Variants in AGO4 observed in about 807,000 individuals in gnomAD.
AGO4 encodes protein argonaute-4.
AGO4 carries 33 observed loss-of-function variants against 104.7 expected under a neutral mutation model. The ratio of observed to expected loss-of-function variants is 0.32; its 90% CI spans 0.24 to 0.42. The LOEUF (loss-of-function observed/expected upper bound fraction) is 0.42, where lower values mean the gene tolerates loss of function less well. Ranked by LOEUF, AGO4 falls within the 10% of genes least tolerant of loss-of-function variation. AGO4 has a pLI of 1.00. For synonymous variants in AGO4, 331 were observed against 364.7 expected (o/e 0.91, Z 1.05); for missense variants, 711 against 1,083.4 (o/e 0.66, Z 4.83).
chr1:35,850,891 A>G lies in AGO4; in HGVS notation c.2315A>G (p.Asp772Gly). ...SRPSHYQVLW[D>G]DNCFTADELQ... ...CCCTCACATTACCAGGTCTTGTGGG[A>G]TGACAACTGCTTCACTGCAGATGAA... The change falls in exon 17 of 18, where the codon GAT becomes GGT. Residue 772 changes from aspartate (D) to glycine (G), a missense_variant. Asp to Gly is a moderately conservative substitution (Grantham distance 94). This residue lies in a region of AGO4 where 401 missense variants were observed against 665.5 expected (regional missense o/e 0.60). Transcript: ENST00000373210. 6.2e-7 allele frequency: 1 copy of G among 1,610,836 alleles called. No homozygotes were observed. The highest frequency in any genetic ancestry group is 8.5e-7 in the Non-Finnish European group (1 of 1,178,770).
rs181835216 is a variant in AGO4, at chr1:35,808,083, T to A, written c.-334T>A. On this transcript the variant is annotated 5_prime_UTR_variant, in exon 1 of 18. Coordinates refer to ENST00000373210, the MANE Select transcript of AGO4 (RefSeq NM_017629.4). This position sits in a 1 kb window ranked among gnomAD's most constrained non-coding sequence, Gnocchi z 5.2. The stretch of plus-strand genomic sequence containing the variant: ...CGCGCCCGGGGCCGCGCACGCCCCC[T>A]CCGCCCGCCGGGACCCTGGGTCCGC... The A allele has an allele frequency of 6.7e-6, 1 of 148,646 alleles. No homozygotes were observed. Among genetic ancestry groups the A allele is most frequent in the African/African-American group, 2.5e-5 (1 of 40,782 alleles). 9.2% of individuals were successfully genotyped at this position (148,646 alleles called of 1,614,324 possible).
intron 1 of AGO4, among the ~76,000 whole-genome samples, chr1:35,811,240 G>A (rs531465470): frequency 6.6e-6 from 1 of 151,950 alleles, no homozygotes; most frequent in East Asian, 1.9e-4. Flanking sequence ...CTGGGAGGCC[G>A]AGGTGGGCGG....
chr1:35,844,898 T>C (rs1009506725), intron 15 of AGO4, among the ~76,000 whole-genome samples: 3 of 152,212 alleles, frequency 2.0e-5, no homozygotes, highest in Admixed American at 1.3e-4. Context: ...ACTTTCTATC[T>C]GTACTTTCTC....
Position 35,835,869 on chromosome 1 carries a change from A to C in AGO4, c.1600A>C (p.Met534Leu). The change falls in exon 13 of 18, where the codon ATG becomes CTG. Residue 534 changes from methionine to leucine, a missense_variant. Transcript: ENST00000373210. ...ACGTGTTGGAGATACCCTTCTAGGTATGGCCACACAGTGTGTCCAGGTAAA... is the reference window on the plus strand; with the variant it reads ...ACGTGTTGGAGATACCCTTCTAGGTCTGGCCACACAGTGTGTCCAGGTAAA... ...VKRVGDTLLG[M>L]ATQCVQVKNV... The C allele has an allele frequency of 6.2e-7, 1 of 1,613,668 alleles. No individual in the cohort carries two copies. Among genetic ancestry groups the C allele is most frequent in the Non-Finnish European group, 8.5e-7 (1 of 1,179,854 alleles).
chr1:35,850,817 C>CAAA (rs11403763), intron 16 of AGO4, 37 bp from the exon 17 acceptor site: 813 of 973,062 alleles, frequency 8.4e-4, no homozygotes, highest in East Asian at 1.3e-3. Flanking sequence ...AAAAAACGAA[C>CAAA]AAAAAAAAAA....
chr1:35,810,158 G>T (rs1223178131), intron 1 of AGO4, among the ~76,000 whole-genome samples: 2 of 152,148 alleles, frequency 1.3e-5, no homozygotes, highest in Admixed American at 6.6e-5. Flanking sequence ...AAGCCAAAAT[G>T]TCACATGGAT....
Position 35,835,872 on chromosome 1 carries a change from G to A in AGO4, c.1603G>A (p.Ala535Thr), listed in dbSNP as rs375566918. The A allele has an allele frequency of 1.5e-5, 25 of 1,613,742 alleles. No homozygotes were observed. Among genetic ancestry groups the A allele is most frequent in the African/African-American group, 4.0e-5 (3 of 74,886 alleles). The change falls in exon 13 of 18, where the codon GCC (alanine) becomes ACC (threonine). Residue 535 changes from alanine (A) to threonine (T), a missense_variant. Physicochemically the swap from Ala to Thr is moderately conservative, Grantham distance 58. Around this residue, in one of 3 missense-constraint regions of AGO4, gnomAD observed 401 missense variants for 665.5 expected, o/e 0.60. Transcript: ENST00000373210. ...KRVGDTLLGM[A>T]TQCVQVKNVV... ...TGTTGGAGATACCCTTCTAGGTATG[G>A]CCACACAGTGTGTCCAGGTAAAAAA... is the stretch of plus-strand genomic sequence containing the variant.
rs1164282197 is a variant in AGO4, at chr1:35,817,782, T to C, written c.185+735T>C. ...GTGCCGCTTGATATTTTTCTCATTA[T>C]GGATCAAAATTTGGCTTTCTGGTGT... On this transcript the variant is annotated intron_variant, in intron 2 of 17. Transcript: ENST00000373210. 1.3e-5 allele frequency among the ~76,000 whole-genome samples: 2 copies of C among 152,246 alleles called. 1 individual carries two copies. Among genetic ancestry groups the C allele is most frequent in the South Asian group, 4.1e-4 (2 of 4,838 alleles).
chr1:35,840,053 G>A (rs557380196), intron 13 of AGO4, among the ~76,000 whole-genome samples: 4 of 151,912 alleles, frequency 2.6e-5, no homozygotes, highest in African/African-American at 4.8e-5. Flanking sequence ...GTGCAGTGGC[G>A]TGATCCTGGC....
rs1046359668 is a variant in AGO4, at chr1:35,855,900, C to A, written c.*2295C>A. The A allele has an allele frequency of 1.3e-5, 2 of 152,248 alleles. No homozygotes were observed. The highest frequency in any genetic ancestry group is 6.5e-5 in the Admixed American group (1 of 15,286). The allele number at this position is 152,248 out of a possible 1,614,324, so 9.4% of individuals were successfully genotyped here. A position where few individuals can be genotyped will look rare whatever the true frequency, so the allele number is the denominator to read the frequency against. On this transcript the variant is annotated 3_prime_UTR_variant, in exon 18 of 18. Transcript: ENST00000373210. ...TGACTGGCTGGCTGGCCAGCGGGCA[C>A]CACACCTGCACTTGAGTGCCTCGGG...
chr1:35,818,508 C>T lies in AGO4; in HGVS notation c.185+1461C>T, dbSNP rs571445299. Among the ~76,000 whole-genome samples the T allele has an allele frequency of 2.0e-5, 3 of 152,182 alleles. No individual in the cohort carries two copies. The South Asian group carries it at 6.2e-4, about 32-fold the overall frequency. On this transcript the variant is annotated intron_variant, in intron 2 of 17. Transcript: ENST00000373210. The stretch of plus-strand genomic sequence containing the variant: ...GCATAGTGGCACGTGCCTGTAATCC[C>T]AGCTACTTGGGAGGCTGAGGCAGGA...
rs1403053246 is a variant in AGO4 at position 35,808,880 on chromosome 1, T to C, written c.19+445T>C. On this transcript the variant is annotated intron_variant, in intron 1 of 17. Transcript: ENST00000373210. The surrounding 1 kb of genome is among the most constrained non-coding windows in gnomAD (Gnocchi z 5.2). ...GCCGCGCCCCTATTTTTCTTTGCAC[T>C]GGCAGATGGTCCAGAGCCTTCAGAT... Among the ~76,000 whole-genome samples the C allele has an allele frequency of 6.6e-6, 1 of 152,222 alleles. No individual in the cohort carries two copies. The highest frequency in any genetic ancestry group is 1.5e-5 in the Non-Finnish European group (1 of 68,044).
chr1:35,832,713 T>C (rs1644213975), intron 11 of AGO4, 143 bp downstream of exon 11: 1 of 1,113,498 alleles, frequency 9.0e-7, no homozygotes, highest in Non-Finnish European at 1.2e-6. Context: ...AGACCTTGTA[T>C]TATAGTAATT....
intron 4 of AGO4, 89 bp from the exon 5 acceptor site, chr1:35,825,590 C>T: frequency 6.5e-7 from 1 of 1,536,474 alleles, no homozygotes; most frequent in East Asian, 2.3e-5. Flanking sequence ...AGTCATTGTT[C>T]AAATTTGATT....
intron 2 of AGO4, among the ~76,000 whole-genome samples, chr1:35,821,606 CTTGA>C (rs1470106643): frequency 3.3e-5 from 5 of 152,110 alleles, no homozygotes; most frequent in Admixed American, 6.6e-5. Flanking sequence ...GTTCTGCATG[CTTGA>C]TTGAGAAAAA....
intron 1 of AGO4, 141 bp from the exon 2 acceptor site, chr1:35,816,741 G>A: frequency 1.1e-6 from 1 of 880,132 alleles, no homozygotes; most frequent in East Asian, 2.8e-5. Flanking sequence ...AGAGGTTGCA[G>A]TGAGCCAAGA....
rs2148662299 is a variant in AGO4, at chr1:35,826,882, G to A, written c.848+47G>A. ...TAATACAATTACATTTTTAGTAACA[G>A]AGGGAGCTACTATAATTGTTTTAAG... On this transcript the variant is annotated intron_variant, in intron 7 of 17. Transcript: ENST00000373210. The A allele has an allele frequency of 2.5e-6, 4 of 1,580,966 alleles. No individual in the cohort carries two copies. In the South Asian group the frequency reaches 3.4e-5, roughly 13 times the overall value.
Position 35,808,520 on chromosome 1 carries a change from G to A in AGO4, c.19+85G>A. The A allele has an allele frequency of 3.5e-6, 4 of 1,132,462 alleles. No homozygotes were observed. The highest frequency in any genetic ancestry group is 1.6e-5 in the African/African-American group (1 of 61,344). The allele number at this position is 1,132,462 out of a possible 1,614,324, so 70.2% of individuals were successfully genotyped here. ...GGGACTTTCGCTGCCCCGTCGCCTC[G>A]CCGGGTTCGGGCCGCCAGGCCTCGG... is the stretch of plus-strand genomic sequence containing the variant. On this transcript the variant is annotated intron_variant, in intron 1 of 17. Coordinates refer to ENST00000373210, the MANE Select transcript of AGO4 (RefSeq NM_017629.4). This position sits in a 1 kb window ranked among gnomAD's most constrained non-coding sequence, Gnocchi z 5.2.
chr1:35,851,800 C>T (rs1447160118), intron 17 of AGO4, among the ~76,000 whole-genome samples: 2 of 152,162 alleles, frequency 1.3e-5, no homozygotes, highest in African/African-American at 2.4e-5. Context: ...TTCATTTATT[C>T]GGCATATTTA....
Sources: allele counts gnomAD v4.1 joint callset (sites outside exome capture counted in the v4.1 genomes callset), GRCh38; gene constraint gnomAD v4.1.1; regional missense constraint gnomAD v4.1.1; non-coding constraint Gnocchi (gnomAD v3.1); transcripts MANE v1.5; gene names NCBI Gene and HGNC (gene_info 2026-07-23, HGNC 2026-07-21).